Variants in CLNS1A observed in about 807,000 individuals in gnomAD.
CLNS1A encodes the protein methylosome subunit pICln.
Under a neutral mutation model 29.4 loss-of-function variants are expected in CLNS1A, and 16 were observed. That is an observed-to-expected ratio of 0.54 (90% CI 0.37 to 0.83). The LOEUF is 0.83. Ranked by LOEUF, CLNS1A falls within the 40% of genes least tolerant of loss-of-function variation. The pLI, the probability that CLNS1A is intolerant of heterozygous loss-of-function variation, is 0.00. For synonymous variants in CLNS1A, 96 were observed against 104.8 expected, an observed-to-expected ratio of 0.92 and a Z score of 0.51; for missense variants, 235 against 287.4, an observed-to-expected ratio of 0.82 and a Z score of 1.32.
intron 1 of CLNS1A, among the ~76,000 whole-genome samples, chr11:77,631,989 G>A (rs1372039915): frequency 6.6e-6 from 1 of 152,144 alleles, no homozygotes; most frequent in South Asian, 2.1e-4. Context: ...CTGCCACCTC[G>A]GCCTCCCAAA....
intron 6 of CLNS1A, chr11:77,618,742 C>T (rs1958928348): frequency 6.6e-6 from 1 of 151,990 alleles, no homozygotes; most frequent in East Asian, 1.9e-4. Context: ...TGGAGAAAAG[C>T]CAATGATTAC....
At chr11:77,625,235 A>G (rs1959004370) in intron 3 of CLNS1A, 165 bp from the exon 4 acceptor site, 2 of 599,346 alleles carry the variant, frequency 3.3e-6, no homozygotes, top group South Asian at 2.1e-5. Flanking sequence ...TCATAAAATA[A>G]TAAGAGTTCA....
intron 2 of CLNS1A, among the ~76,000 whole-genome samples, chr11:77,628,540 T>C (rs1308089989): frequency 1.3e-5 from 2 of 152,222 alleles, no homozygotes; most frequent in Non-Finnish European, 2.9e-5. Context: ...TGAAATCTTA[T>C]AACAAAAATA....
chr11:77,622,773 C>A lies in CLNS1A; in HGVS notation c.473-100G>T, dbSNP rs1958975295. 7 of 910,188 alleles carry A rather than the reference C, an allele frequency of 7.7e-6. No individual in the cohort carries two copies. In the South Asian group the frequency reaches 9.9e-5, roughly 13 times the overall value. 56.4% of individuals were successfully genotyped at this position (910,188 alleles called of 1,614,324 possible). ...CGCCAGCCTGGCCAACATGGTGAAA[C>A]CCTATCTCTACTAAAAATACAAAAA... On this transcript the variant is annotated intron_variant, in intron 4 of 6. Coordinates refer to ENST00000525428, the MANE Select transcript of CLNS1A (RefSeq NM_001293.3).
At chr11:77,636,807 A>T (rs1959130167) in intron 1 of CLNS1A, among the ~76,000 whole-genome samples, 1 of 152,208 alleles carries the variant, frequency 6.6e-6, no homozygotes, top group South Asian at 2.1e-4. Context: ...TCTGAAGGGC[A>T]GGAAAGATTC....
intron 6 of CLNS1A, chr11:77,618,559 C>T: frequency 6.6e-6 from 1 of 152,140 alleles, no homozygotes; most frequent in Non-Finnish European, 1.5e-5. Flanking sequence ...CTGATAGTTC[C>T]ACTGGCAGGA....
At chr11:77,629,467 C>T (rs1006517752) in intron 2 of CLNS1A, among the ~76,000 whole-genome samples, 1 of 151,424 alleles carries the variant, frequency 6.6e-6, no homozygotes, top group African/African-American at 2.4e-5. Flanking sequence ...GATCTCGGCT[C>T]ACTACAAGCT....
At position 77,635,165 on chromosome 11, in the gene CLNS1A, T is replaced by C. The variant is rs184619683; in HGVS notation, c.125+2425A>G. Among the ~76,000 whole-genome samples, 311 of 152,278 alleles carry C rather than the reference T, an allele frequency of 2.0e-3. 4 individuals are homozygous for C. Among genetic ancestry groups the C allele is most frequent in the African/African-American group, 7.3e-3 (302 of 41,544 alleles). On this transcript the variant is annotated intron_variant, in intron 1 of 6. Transcript: ENST00000525428. ...GAGTTATACTTCCTTAGTATGAGAA[T>C]TGTATTGTGGTTATACAAGATAATG... is the stretch of plus-strand genomic sequence containing the variant.
intron 6 of CLNS1A, among the ~76,000 whole-genome samples, chr11:77,617,951 C>T (rs1033671595): frequency 6.6e-6 from 1 of 151,486 alleles, no homozygotes; most frequent in African/African-American, 2.4e-5. Flanking sequence ...GAAAAAAAAC[C>T]GTTATGAATA....
At position 77,614,788 on chromosome 11, in the gene CLNS1A, A is replaced by C. The variant is rs1457207182; in HGVS notation, c.*1930T>G. ...ACCTTTAAAGTGTCTCTACATCAGG[A>C]ACACACAAAGAAAACAATTCCAGCA... On this transcript the variant is annotated 3_prime_UTR_variant, in exon 7 of 7. Coordinates refer to ENST00000525428, the MANE Select transcript of CLNS1A (RefSeq NM_001293.3). 6.6e-6 allele frequency: 1 copy of C among 152,234 alleles called. No individual in the cohort carries two copies. Among genetic ancestry groups the C allele is most frequent in the African/African-American group, 2.4e-5 (1 of 41,466 alleles). The allele number at this position is 152,234 out of a possible 1,614,324, so 9.4% of individuals were successfully genotyped here. A position where few individuals can be genotyped will look rare whatever the true frequency, so the allele number is the denominator to read the frequency against.
rs1416996872 is a variant in CLNS1A at position 77,615,527 on chromosome 11, T to C, written c.*1191A>G. ...TCTCATAAGATAATTAAGAATATTA[T>C]AATACATAATAAAGAACTCAGGACA... On this transcript the variant is annotated 3_prime_UTR_variant, in exon 7 of 7. Coordinates refer to ENST00000525428, the MANE Select transcript of CLNS1A (RefSeq NM_001293.3). 6.6e-6 allele frequency: 1 copy of C among 152,204 alleles called. No homozygotes were observed. Among genetic ancestry groups the C allele is most frequent in the Non-Finnish European group, 1.5e-5 (1 of 68,036 alleles). 9.4% of individuals were successfully genotyped at this position (152,204 alleles called of 1,614,324 possible). A position where few individuals can be genotyped will look rare whatever the true frequency, so the allele number is the denominator to read the frequency against.
rs1051528067 is a variant in CLNS1A at position 77,615,874 on chromosome 11, T to A, written c.*844A>T. ...AATCAGTAATTACAAATCAGCCTTA[T>A]AATACCCAGGTATCTATGAAAACTA... On this transcript the variant is annotated 3_prime_UTR_variant, in exon 7 of 7. Transcript: ENST00000525428. The A allele has an allele frequency of 6.6e-6, 1 of 152,176 alleles. No homozygotes were observed. The highest frequency in any genetic ancestry group is 1.5e-5 in the Non-Finnish European group (1 of 68,034). The allele number at this position is 152,176 out of a possible 1,614,324, so 9.4% of individuals were successfully genotyped here. A position where few individuals can be genotyped will look rare whatever the true frequency, so the allele number is the denominator to read the frequency against.
rs181776722 is a variant in CLNS1A, at chr11:77,615,668, G to T, written c.*1050C>A. On this transcript the variant is annotated 3_prime_UTR_variant, in exon 7 of 7. Transcript: ENST00000525428. ...AGTCTGGTTAGAAAAAGGAAAATTC[G>T]TTTTTTTTCAGTCTACCTTGCAAGA... The T allele has an allele frequency of 6.6e-5, 10 of 151,782 alleles. No individual in the cohort carries two copies. In the East Asian group the frequency reaches 1.7e-3, roughly 26 times the overall value. 9.4% of individuals were successfully genotyped at this position (151,782 alleles called of 1,614,324 possible). A position where few individuals can be genotyped will look rare whatever the true frequency, so the allele number is the denominator to read the frequency against.
At chr11:77,618,150 TGG>T (rs914909253) in intron 6 of CLNS1A, among the ~76,000 whole-genome samples, 3 of 152,132 alleles carry the variant, frequency 2.0e-5, no homozygotes, top group African/African-American at 7.2e-5. Flanking sequence ...AATAATAGAG[TGG>T]CTGATGTTCT....
At chr11:77,624,498 G>C (rs957923464) in intron 4 of CLNS1A, among the ~76,000 whole-genome samples, 1 of 152,024 alleles carries the variant, frequency 6.6e-6, no homozygotes, top group Non-Finnish European at 1.5e-5. Flanking sequence ...TTGGCATAAA[G>C]TGTTCTACCG....
chr11:77,617,367 CAAAAAAA>C lies in CLNS1A; in HGVS notation c.*23-679_*23-673del, dbSNP rs71043593. The stretch of plus-strand genomic sequence containing the variant: ...GGGCAACAAGAGCGAAACTCCATCT[CAAAAAAA>C]AAAAAAAAAAAAAAAAAATTAGCCG... On this transcript the variant is annotated intron_variant, in intron 6 of 6. Coordinates refer to ENST00000525428, the MANE Select transcript of CLNS1A (RefSeq NM_001293.3). 1.4e-3 allele frequency among the ~76,000 whole-genome samples: 95 copies of C among 65,862 alleles called. 2 individuals carry two copies. Among genetic ancestry groups the C allele is most frequent in the South Asian group, 5.6e-3 (8 of 1,422 alleles). The allele number at this position is 65,862 out of a possible 152,430, so 43.2% of individuals were successfully genotyped here. A position where few individuals can be genotyped will look rare whatever the true frequency, so the allele number is the denominator to read the frequency against.
At chr11:77,632,301 A>G (rs532850836) in intron 1 of CLNS1A, among the ~76,000 whole-genome samples, 5 of 152,344 alleles carry the variant, frequency 3.3e-5, no homozygotes, top group African/African-American at 4.8e-5. Flanking sequence ...CGTTATCACA[A>G]TTCAGAAAGA....
chr11:77,637,532 C>T (rs1158650821), intron 1 of CLNS1A, 58 bp downstream of exon 1: 9 of 1,532,126 alleles, frequency 5.9e-6, no homozygotes, highest in Non-Finnish European at 7.0e-6. Flanking sequence ...GCACCGCCTG[C>T]TCCAGCAAGG....
At chr11:77,617,980 G>A (rs1225977435) in intron 6 of CLNS1A, among the ~76,000 whole-genome samples, 1 of 151,416 alleles carries the variant, frequency 6.6e-6, no homozygotes, top group Non-Finnish European at 1.5e-5. Flanking sequence ...CTCTGCCTCT[G>A]AGCTCTAGGA....
Sources: allele counts gnomAD v4.1 joint callset (sites outside exome capture counted in the v4.1 genomes callset), GRCh38; gene constraint gnomAD v4.1.1; transcripts MANE v1.5; gene names NCBI Gene and HGNC (gene_info 2026-07-23, HGNC 2026-07-21).